The following RAD54L2 variants were observed in gnomAD, a reference collection of about 807,000 sequenced individuals.
The protein encoded by RAD54L2 is helicase ARIP4.
A neutral mutation model predicts 138.4 loss-of-function variants in RAD54L2; 27 were observed. The ratio of observed to expected loss-of-function variants is 0.20; its 90% CI spans 0.14 to 0.27. The LOEUF (loss-of-function observed/expected upper bound fraction) is 0.27. Ranked by LOEUF, RAD54L2 falls within the 10% of genes least tolerant of loss-of-function variation. RAD54L2 has a pLI of 1.00. For synonymous variants in RAD54L2, 644 were observed against 723.2 expected (o/e 0.89, Z 1.76); for missense variants, 1,396 against 1,890.2 (o/e 0.74, Z 4.85).
chr3:51,640,864 G>T (rs1701115275), intron 14 of RAD54L2, among the ~76,000 whole-genome samples: 1 of 152,196 alleles, frequency 6.6e-6, no homozygotes, highest in African/African-American at 2.4e-5. Context: ...GAAATTTTCA[G>T]CTGTGGAAGT....
chr3:51,626,538 G>C (rs1462380656), intron 3 of RAD54L2, among the ~76,000 whole-genome samples: 1 of 138,310 alleles, frequency 7.2e-6, no homozygotes, highest in Non-Finnish European at 1.5e-5. Flanking sequence ...TCCGCCTCCT[G>C]GGTTCAATTG....
chr3:51,568,906 G>T (rs1038557529), intron 2 of RAD54L2, among the ~76,000 whole-genome samples: 3 of 152,162 alleles, frequency 2.0e-5, no homozygotes, highest in African/African-American at 7.2e-5. Context: ...ATGCATTTCA[G>T]AGGATATGAT....
At chr3:51,619,207 G>A (rs890777923) in intron 3 of RAD54L2, among the ~76,000 whole-genome samples, 5 of 152,068 alleles carry the variant, frequency 3.3e-5, no homozygotes, top group East Asian at 1.9e-4. Context: ...ATAGGCACCC[G>A]CCACCACGCG....
At chr3:51,632,288 TCTG>T (rs1700865183) in intron 7 of RAD54L2, among the ~76,000 whole-genome samples, 2 of 152,162 alleles carry the variant, frequency 1.3e-5, no homozygotes, top group African/African-American at 4.8e-5. Flanking sequence ...TAAAAACTCT[TCTG>T]TTGTTGTTGT....
intron 19 of RAD54L2, among the ~76,000 whole-genome samples, chr3:51,653,083 G>GA (rs1294288777): frequency 3.3e-5 from 5 of 151,994 alleles, no homozygotes; most frequent in South Asian, 2.1e-4. Flanking sequence ...AAATTTACAA[G>GA]AAAAAATCAA....
At chr3:51,616,977 C>T (rs566818189) in intron 3 of RAD54L2, among the ~76,000 whole-genome samples, 56 of 152,172 alleles carry the variant, frequency 3.7e-4, no homozygotes, top group Non-Finnish European at 6.8e-4. Context: ...TGAAATTATA[C>T]AATACATATT....
chr3:51,631,174 GC>G (rs1700830606), intron 7 of RAD54L2, among the ~76,000 whole-genome samples: 2 of 152,196 alleles, frequency 1.3e-5, no homozygotes, highest in Non-Finnish European at 2.9e-5. Flanking sequence ...TCCGTAGAAA[GC>G]ACTGGATCTC....
At position 51,662,343 on chromosome 3, in the gene RAD54L2, A is replaced by G. The variant is rs908054760; in HGVS notation, c.3410-83A>G. ...AGAATTTTGGGGACTACAGGACAGG[A>G]TTTTTTTTAATGGAGTTTTCTCCTC... On this transcript the variant is annotated intron_variant, in intron 22 of 22. Transcript: ENST00000684192. This position sits in a 1 kb window ranked among gnomAD's most constrained non-coding sequence, Gnocchi z 4.6. The G allele has an allele frequency of 2.0e-5, 26 of 1,327,976 alleles. No homozygotes were observed. In the African/African-American group the frequency reaches 3.3e-4, roughly 17 times the overall value. 82.3% of individuals were successfully genotyped at this position (1,327,976 alleles called of 1,614,324 possible). A position where few individuals can be genotyped will look rare whatever the true frequency, so the allele number is the denominator to read the frequency against.
intron 2 of RAD54L2, among the ~76,000 whole-genome samples, chr3:51,573,532 G>A (rs1236091713): frequency 6.6e-6 from 1 of 152,032 alleles, no homozygotes; most frequent in Non-Finnish European, 1.5e-5. Flanking sequence ...CACCTCCTGG[G>A]TTCAAATGAT....
chr3:51,603,301 T>A (rs1053521428), intron 3 of RAD54L2, among the ~76,000 whole-genome samples: 3 of 151,800 alleles, frequency 2.0e-5, no homozygotes, highest in African/African-American at 7.3e-5. Flanking sequence ...GAGTGAGACT[T>A]TGTCTCAGAA....
At position 51,667,535 on chromosome 3, in the gene RAD54L2, G is replaced by A. The variant is rs1440129474; in HGVS notation, c.*4115G>A. The stretch of plus-strand genomic sequence containing the variant: ...TGGCCTTCTGTGCACCCAGCTCAGT[G>A]GCTCTTCACCCCTAAAACTAAGTGA... On this transcript the variant is annotated 3_prime_UTR_variant, in exon 23 of 23. Coordinates refer to ENST00000684192, the MANE Select transcript of RAD54L2 (RefSeq NM_015106.4). 1 of 152,218 alleles carries A rather than the reference G, an allele frequency of 6.6e-6. No homozygotes were observed. Among genetic ancestry groups the A allele is most frequent in the Non-Finnish European group, 1.5e-5 (1 of 68,102 alleles). 9.4% of individuals were successfully genotyped at this position (152,218 alleles called of 1,614,324 possible).
chr3:51,583,206 T>C (rs1699645279), intron 2 of RAD54L2, among the ~76,000 whole-genome samples: 1 of 152,226 alleles, frequency 6.6e-6, no homozygotes, highest in Non-Finnish European at 1.5e-5. Context: ...TCTGGCTCCA[T>C]AGAGACAGCT....
chr3:51,593,587 C>G (rs1699887733), intron 3 of RAD54L2, among the ~76,000 whole-genome samples: 1 of 152,116 alleles, frequency 6.6e-6, no homozygotes, highest in Admixed American at 6.5e-5. Context: ...CCGTCTCGGC[C>G]TCCCAAAGTG....
intron 2 of RAD54L2, among the ~76,000 whole-genome samples, chr3:51,569,706 A>G (rs1011589948): frequency 6.6e-6 from 1 of 151,612 alleles, no homozygotes; most frequent in African/African-American, 2.4e-5. Flanking sequence ...TTTGAGTCAA[A>G]TAGTCTTACT....
chr3:51,564,206 G>C (rs1192766815), intron 2 of RAD54L2, among the ~76,000 whole-genome samples: 4 of 152,188 alleles, frequency 2.6e-5, no homozygotes, highest in Non-Finnish European at 4.4e-5. Context: ...CGATGAAGCA[G>C]TATGTCTCTG....
chr3:51,571,201 TA>T (rs1699330323), intron 2 of RAD54L2, among the ~76,000 whole-genome samples: 2 of 152,160 alleles, frequency 1.3e-5, no homozygotes, highest in Admixed American at 1.3e-4. Flanking sequence ...TTCTCCAAAA[TA>T]AAGGTCAGCC....
At chr3:51,613,550 C>T (rs1045294869) in intron 3 of RAD54L2, among the ~76,000 whole-genome samples, 11 of 152,028 alleles carry the variant, frequency 7.2e-5, no homozygotes, top group African/African-American at 2.2e-4. Context: ...GGGTGGGTCA[C>T]GAGATCAGGA....
At chr3:51,542,122 T>A (rs1698569858) in intron 2 of RAD54L2, among the ~76,000 whole-genome samples, 1 of 152,200 alleles carries the variant, frequency 6.6e-6, no homozygotes, top group African/African-American at 2.4e-5. Flanking sequence ...TCTTGCTCAA[T>A]TTTTGACCCT....
intron 14 of RAD54L2, 88 bp from the exon 15 acceptor site, chr3:51,641,661 T>A: frequency 1.2e-6 from 1 of 852,348 alleles, no homozygotes; most frequent in East Asian, 2.7e-5. Flanking sequence ...GCTCCCATTG[T>A]CAGAAAGTTG....
Sources: allele counts gnomAD v4.1 joint callset (sites outside exome capture counted in the v4.1 genomes callset), GRCh38; gene constraint gnomAD v4.1.1; non-coding constraint Gnocchi (gnomAD v3.1); transcripts MANE v1.5; gene names NCBI Gene and HGNC (gene_info 2026-07-23, HGNC 2026-07-21).